GPC6: variants seen among roughly 807,000 people sequenced by gnomAD.
GPC6 encodes the protein glypican-6.
In GPC6, 14 loss-of-function variants were observed where a neutral mutation model predicts 55.2. The observed-to-expected ratio is 0.25, with a 90% CI of 0.17 to 0.40. The LOEUF is 0.40. GPC6 is among the 10% of genes least tolerant of loss of function. The probability of loss-of-function intolerance (pLI) is 1.00; values close to 1 mark genes in which losing one functional copy is unlikely to be tolerated. For missense variants in GPC6, 641 were observed against 708.5 expected, an observed-to-expected ratio of 0.90 and a Z score of 1.08; for synonymous variants, 278 against 259.6, an observed-to-expected ratio of 1.07 and a Z score of -0.68.
chr13:94,141,454 C>T (rs185482017), intron 4 of GPC6, among the ~76,000 whole-genome samples: 140 of 152,128 alleles, frequency 9.2e-4, no homozygotes, highest in African/African-American at 3.2e-3. Context: ...CATGAAGAGT[C>T]CATTTCGTTA....
chr13:93,962,854 G>T (rs578098621), intron 3 of GPC6, among the ~76,000 whole-genome samples: 1 of 152,238 alleles, frequency 6.6e-6, no homozygotes, highest in South Asian at 2.1e-4. Context: ...ATAAACCTTT[G>T]TTGGATTGAG....
At chr13:93,797,652 A>T (rs141733971) in intron 2 of GPC6, among the ~76,000 whole-genome samples, 200 of 152,304 alleles carry the variant, frequency 1.3e-3, no homozygotes, top group Non-Finnish European at 2.5e-3. Flanking sequence ...GAGTCATTTC[A>T]TAAACTTCAG....
intron 2 of GPC6, among the ~76,000 whole-genome samples, chr13:93,616,248 T>C (rs911004460): frequency 3.9e-5 from 6 of 152,108 alleles, no homozygotes; most frequent in East Asian, 1.9e-4. Flanking sequence ...AATTGTTATG[T>C]AATTCAGAAT....
intron 1 of GPC6, among the ~76,000 whole-genome samples, chr13:93,394,271 C>T (rs1357412782): frequency 2.6e-5 from 4 of 152,200 alleles, no homozygotes; most frequent in African/African-American, 9.6e-5. Flanking sequence ...TGCACGCCTT[C>T]CACATTGGAC....
chr13:94,300,305 G>T (rs943790461), intron 5 of GPC6, among the ~76,000 whole-genome samples: 4 of 152,196 alleles, frequency 2.6e-5, no homozygotes, highest in African/African-American at 9.6e-5. Flanking sequence ...AAAGCTACAT[G>T]TGCCTCCAAA....
At chr13:94,349,396 C>A (rs769400270) in intron 6 of GPC6, among the ~76,000 whole-genome samples, 1 of 152,116 alleles carries the variant, frequency 6.6e-6, no homozygotes, top group Non-Finnish European at 1.5e-5. Flanking sequence ...TCATCTCCAA[C>A]TTTTTTTGAC....
At chr13:93,574,871 G>A (rs140331625) in intron 2 of GPC6, among the ~76,000 whole-genome samples, 1 of 152,094 alleles carries the variant, frequency 6.6e-6, no homozygotes, top group East Asian at 1.9e-4. Flanking sequence ...TGTTTTAGAG[G>A]TTCATCCATA....
chr13:93,692,677 A>G (rs2138782723), intron 2 of GPC6, among the ~76,000 whole-genome samples: 1 of 152,166 alleles, frequency 6.6e-6, no homozygotes, highest in South Asian at 2.1e-4. Context: ...ATTTTTGATG[A>G]GGAAAGCCTT....
intron 1 of GPC6, among the ~76,000 whole-genome samples, chr13:93,433,222 A>G (rs1221121920): frequency 6.6e-6 from 1 of 152,158 alleles, no homozygotes; most frequent in Non-Finnish European, 1.5e-5. Context: ...GAAATCTTGC[A>G]GTCCATGAAA....
chr13:94,281,482 A>G (rs754560489), intron 4 of GPC6, among the ~76,000 whole-genome samples: 16 of 152,116 alleles, frequency 1.1e-4, no homozygotes, highest in Admixed American at 8.5e-4. Flanking sequence ...GAAAATCACT[A>G]TCTTCTAGGT....
intron 4 of GPC6, among the ~76,000 whole-genome samples, chr13:94,245,902 A>G (rs2139031597): frequency 6.6e-6 from 1 of 152,232 alleles, no homozygotes; most frequent in Non-Finnish European, 1.5e-5. Context: ...GCTACAACAT[A>G]TGATAATTCT....
At chr13:93,422,987 C>A (rs1876979531) in intron 1 of GPC6, among the ~76,000 whole-genome samples, 1 of 152,042 alleles carries the variant, frequency 6.6e-6, no homozygotes, top group African/African-American at 2.4e-5. Context: ...GCTTAGGATG[C>A]ACATTATTTT....
chr13:93,788,610 C>T (rs751388928), intron 2 of GPC6, among the ~76,000 whole-genome samples: 14 of 151,752 alleles, frequency 9.2e-5, no homozygotes, highest in Non-Finnish European at 1.6e-4. Flanking sequence ...CCCACTCAGA[C>T]GAAGTGAAAT....
At chr13:94,096,838 T>A (rs1243328549) in intron 4 of GPC6, among the ~76,000 whole-genome samples, 1 of 152,158 alleles carries the variant, frequency 6.6e-6, no homozygotes, top group Non-Finnish European at 1.5e-5. Flanking sequence ...TCCTTCTGGT[T>A]TTTTCTCCTA....
rs539738487 is a variant in GPC6 at position 94,183,020 on chromosome 13, C to T, written c.878-103329C>T. 1.0e-3 allele frequency among the ~76,000 whole-genome samples: 152 copies of T among 152,318 alleles called. 1 individual carries two copies. The highest frequency in any genetic ancestry group is 3.2e-3 in the African/African-American group (134 of 41,558). ...CTCAAACTCCTGGGCTCACACAATC[C>T]TTCTGCCTCAGCTTCCCAAAGTACT... is the stretch of plus-strand genomic sequence containing the variant. On this transcript the variant is annotated intron_variant, in intron 4 of 8. Coordinates refer to ENST00000377047, the MANE Select transcript of GPC6 (RefSeq NM_005708.5).
intron 3 of GPC6, among the ~76,000 whole-genome samples, chr13:94,017,079 C>T (rs1026731385): frequency 3.3e-5 from 5 of 152,142 alleles, no homozygotes; most frequent in South Asian, 2.1e-4. Context: ...GTGATCCACC[C>T]GCCTTGGCCT....
At chr13:93,359,616 T>C (rs994901367) in intron 1 of GPC6, among the ~76,000 whole-genome samples, 1 of 152,222 alleles carries the variant, frequency 6.6e-6, no homozygotes, top group Admixed American at 6.5e-5. Flanking sequence ...TATAGTTAAG[T>C]ATATTTTAAA....
intron 4 of GPC6, among the ~76,000 whole-genome samples, chr13:94,073,773 A>C (rs910693656): frequency 6.6e-6 from 1 of 152,224 alleles, no homozygotes; most frequent in Non-Finnish European, 1.5e-5. Context: ...ATTTTAAAAA[A>C]TTAAAACAAT....
chr13:93,849,924 C>A (rs1276021879), intron 3 of GPC6, among the ~76,000 whole-genome samples: 1 of 150,834 alleles, frequency 6.6e-6, no homozygotes, highest in Non-Finnish European at 1.5e-5. Context: ...AAGGGAGAAG[C>A]AACTAATAAT....
Sources: gnomAD v4.1 joint callset for allele counts (sites outside exome capture counted in the v4.1 genomes callset) on GRCh38, gnomAD v4.1.1 for gene constraint, MANE v1.5 for transcripts, NCBI Gene and HGNC (gene_info 2026-07-23, HGNC 2026-07-21) for gene names.